Variants in SIM2 observed in about 807,000 individuals in gnomAD.
The protein encoded by SIM2 is SIM bHLH transcription factor 2.
SIM2 carries 28 observed loss-of-function variants against 64.8 expected under a neutral mutation model. The ratio of observed to expected loss-of-function variants is 0.43; its 90% CI spans 0.32 to 0.59. The LOEUF (loss-of-function observed/expected upper bound fraction) is 0.59, where lower values mean the gene tolerates loss of function less well. SIM2 is among the 20% of genes least tolerant of loss of function. The probability of loss-of-function intolerance (pLI) is 0.07; values close to 1 mark genes in which losing one functional copy is unlikely to be tolerated. For missense variants in SIM2, 847 were observed against 871.4 expected, an observed-to-expected ratio of 0.97 and a Z score of 0.35; for synonymous variants, 408 against 391.1, an observed-to-expected ratio of 1.04 and a Z score of -0.51.
intron 1 of SIM2, among the ~76,000 whole-genome samples, chr21:36,705,693 A>G (rs1414156480): frequency 6.6e-6 from 1 of 152,168 alleles, no homozygotes; most frequent in Non-Finnish European, 1.5e-5. Flanking sequence ...AGACCCCTGC[A>G]CCCAGGTGGG....
chr21:36,717,584 A>T (rs2088764649), intron 3 of SIM2, among the ~76,000 whole-genome samples: 1 of 151,580 alleles, frequency 6.6e-6, no homozygotes, highest in Admixed American at 6.6e-5. Context: ...TGTAGCTGGG[A>T]TCACAGCCGC....
intron 2 of SIM2, chr21:36,709,669 C>T: frequency 2.8e-6 from 1 of 353,738 alleles, no homozygotes; most frequent in Non-Finnish European, 5.5e-6. Flanking sequence ...TGTGTGTGTG[C>T]AAGGGGCGCA....
At chr21:36,720,247 C>A (rs1029501531) in intron 4 of SIM2, 1 of 279,518 alleles carries the variant, frequency 3.6e-6, no homozygotes, top group African/African-American at 2.1e-5. Context: ...CATCACGGGT[C>A]TAGACCAAGC....
At chr21:36,707,517 T>C (rs995112632) in intron 1 of SIM2, among the ~76,000 whole-genome samples, 2 of 152,170 alleles carry the variant, frequency 1.3e-5, no homozygotes, top group Admixed American at 6.5e-5. Flanking sequence ...TCAGCCAGGA[T>C]AAGCCCCTAA....
At chr21:36,709,932 G>C (rs1017132001) in intron 2 of SIM2, 1 of 160,188 alleles carries the variant, frequency 6.2e-6, no homozygotes, top group African/African-American at 2.4e-5. Context: ...GGGTTCAAGC[G>C]ATTCTCCCGC....
intron 7 of SIM2, among the ~76,000 whole-genome samples, chr21:36,740,180 T>C (rs977436296): frequency 7.9e-5 from 12 of 151,928 alleles, no homozygotes; most frequent in Non-Finnish European, 1.0e-4. Flanking sequence ...ATTCACAGTG[T>C]TGAACAACTA....
At position 36,745,139 on chromosome 21, in the gene SIM2, G is replaced by T. The variant is rs1378277755; in HGVS notation, c.1576+3G>T. 3.7e-6 allele frequency: 6 copies of T among 1,607,208 alleles called. No homozygotes were observed. Among genetic ancestry groups the T allele is most frequent in the South Asian group, 1.1e-5 (1 of 89,966 alleles). On this transcript the variant is annotated splice_donor_region_variant and intron_variant, in intron 10 of 10. Transcript: ENST00000290399. The surrounding 1 kb of genome is among the most constrained non-coding windows in gnomAD (Gnocchi z 4.8). Reference sequence around the variant, plus strand: ...CAGCCTGGTGCCAAGCTACGAAGGTGGGTCAGGTCTGCTCGTGGGGAAGGT... The same window carrying T: ...CAGCCTGGTGCCAAGCTACGAAGGTTGGTCAGGTCTGCTCGTGGGGAAGGT...
At chr21:36,741,539 G>A (rs1052550703) in intron 7 of SIM2, among the ~76,000 whole-genome samples, 178 bp from the exon 8 acceptor site, 6 of 151,768 alleles carry the variant, frequency 4.0e-5, no homozygotes, top group South Asian at 2.1e-4. Flanking sequence ...GTATATGCAC[G>A]CGTGTGTGTG....
At chr21:36,736,086 C>G (rs1488515261) in intron 7 of SIM2, among the ~76,000 whole-genome samples, 1 of 152,236 alleles carries the variant, frequency 6.6e-6, no homozygotes. Flanking sequence ...GGGACACAGG[C>G]AGCCTGCCAG....
intron 7 of SIM2, among the ~76,000 whole-genome samples, chr21:36,731,652 A>G (rs2088970261): frequency 6.6e-6 from 1 of 152,098 alleles, no homozygotes; most frequent in South Asian, 2.1e-4. Context: ...GCGGAGTTGG[A>G]AGCTGAACCC....
At chr21:36,709,063 C>T in intron 1 of SIM2, 105 bp from the exon 2 acceptor site, 1 of 958,714 alleles carries the variant, frequency 1.0e-6, no homozygotes, top group Non-Finnish European at 1.5e-6. Context: ...GCGCGGGACT[C>T]GTGGGGAGGG....
At position 36,747,662 on chromosome 21, in the gene SIM2, C is replaced by G; in HGVS notation, c.1577-3C>G. 3.2e-6 allele frequency: 4 copies of G among 1,250,140 alleles called. No individual in the cohort carries two copies. Among genetic ancestry groups the G allele is most frequent in the Non-Finnish European group, 4.0e-6 (4 of 998,158 alleles). The allele number at this position is 1,250,140 out of a possible 1,614,324, so 77.4% of individuals were successfully genotyped here. On this transcript the variant is annotated splice_polypyrimidine_tract_variant and splice_region_variant and intron_variant, in intron 10 of 10. Coordinates refer to ENST00000290399, the MANE Select transcript of SIM2 (RefSeq NM_005069.6). This position sits in a 1 kb window ranked among gnomAD's most constrained non-coding sequence, Gnocchi z 4.5. ...CCCTCTAACGTGTCGCCTGTCCCCGCAGCGCCCGCCGCCGCCGTGCGCAGG... is the reference window on the plus strand; with the variant it reads ...CCCTCTAACGTGTCGCCTGTCCCCGGAGCGCCCGCCGCCGCCGTGCGCAGG...
intron 7 of SIM2, among the ~76,000 whole-genome samples, chr21:36,739,379 T>TA (rs1344222757): frequency 6.6e-6 from 1 of 152,224 alleles, no homozygotes; most frequent in African/African-American, 2.4e-5. Flanking sequence ...TAATTAGGGT[T>TA]ATACTTTACA....
intron 2 of SIM2, chr21:36,709,502 C>T (rs747019520): frequency 3.1e-6 from 2 of 652,672 alleles, no homozygotes; most frequent in South Asian, 3.0e-5. Flanking sequence ...CCCAGGCCAC[C>T]TGAGACCTAC....
Position 36,723,026 on chromosome 21 carries a change from A to C in SIM2, c.458-19A>C, listed in dbSNP as rs1330254760. ...GCACGGAGGGACAGCTGCCAACCTC[A>C]TCTTGCTCCTGCTTGCAGAGTATGA... On this transcript the variant is annotated intron_variant, in intron 4 of 10. Transcript: ENST00000290399. 1 of 1,608,562 alleles carries C rather than the reference A, an allele frequency of 6.2e-7. No individual in the cohort carries two copies. The highest frequency in any genetic ancestry group is 2.2e-5 in the East Asian group (1 of 44,858).
chr21:36,739,115 C>T, intron 7 of SIM2, among the ~76,000 whole-genome samples: 1 of 152,174 alleles, frequency 6.6e-6, no homozygotes. Flanking sequence ...TCAAGGAAAG[C>T]TGAAAAGAAG....
At position 36,726,239 on chromosome 21, in the gene SIM2, A is replaced by G. The variant is rs938377276; in HGVS notation, c.664A>G (p.Ile222Val). The G allele has an allele frequency of 6.2e-7, 1 of 1,613,726 alleles. No individual in the cohort carries two copies. The highest frequency in any genetic ancestry group is 1.3e-5 in the African/African-American group (1 of 74,946). Residue 222 changes from isoleucine to valine, a missense_variant, in exon 6 of 11, where the codon ATC becomes GTC. Coordinates refer to ENST00000290399, the MANE Select transcript of SIM2 (RefSeq NM_005069.6). This position sits in a 1 kb window ranked among gnomAD's most constrained non-coding sequence, Gnocchi z 4.5. ...GGGCCAGTCGCTGCCACCCAGTGCC[A>G]TCACCGAGATCAAGCTGTACAGTAA... Reference protein sequence around the residue: ...AVGQSLPPSAITEIKLYSNMF... With the variant: ...AVGQSLPPSAVTEIKLYSNMF...
chr21:36,747,995 T>A lies in SIM2; in HGVS notation c.1907T>A (p.Leu636Gln). 1 of 1,095,354 alleles carries A rather than the reference T, an allele frequency of 9.1e-7. No homozygotes were observed. Among genetic ancestry groups the A allele is most frequent in the Non-Finnish European group, 1.1e-6 (1 of 902,298 alleles). 67.9% of individuals were successfully genotyped at this position (1,095,354 alleles called of 1,614,324 possible). Residue 636 changes from leucine to glutamine, a missense_variant, in exon 11 of 11, where the codon CTG (leucine) becomes CAG (glutamine). Physicochemically the swap from Leu to Gln is moderately radical, Grantham distance 113. Around this residue, in one of 3 missense-constraint regions of SIM2, gnomAD observed 447 missense variants for 414.6 expected, o/e 1.08. Coordinates refer to ENST00000290399, the MANE Select transcript of SIM2 (RefSeq NM_005069.6). This position sits in a 1 kb window ranked among gnomAD's most constrained non-coding sequence, Gnocchi z 4.5. ...GGCCCCGAGGCGGCGACCGGCGCGC[T>A]GCGGCTCCGGCACCCGAGCCCCGCC... ...PGGPEAATGALRLRHPSPAAT... is the reference protein window; with the variant it reads ...PGGPEAATGAQRLRHPSPAAT...
chr21:36,708,720 G>A (rs1449862929), intron 1 of SIM2, among the ~76,000 whole-genome samples: 1 of 152,216 alleles, frequency 6.6e-6, no homozygotes, highest in Non-Finnish European at 1.5e-5. Context: ...AAAACAAGGA[G>A]TTGCCGGAGA....
Sources: allele counts gnomAD v4.1 joint callset (sites outside exome capture counted in the v4.1 genomes callset), GRCh38; gene constraint gnomAD v4.1.1; regional missense constraint gnomAD v4.1.1; non-coding constraint Gnocchi (gnomAD v3.1); transcripts MANE v1.5; gene names NCBI Gene and HGNC (gene_info 2026-07-23, HGNC 2026-07-21).